The following PDS5A variants were observed in gnomAD, a reference collection of about 807,000 sequenced individuals.
The protein encoded by PDS5A is sister chromatid cohesion protein PDS5 homolog A.
In PDS5A, 42 loss-of-function variants were observed where a neutral mutation model predicts 167.1. The ratio of observed to expected loss-of-function variants is 0.25; its 90% CI spans 0.20 to 0.33. The LOEUF is 0.33. PDS5A is among the 10% of genes least tolerant of loss of function. PDS5A has a pLI of 1.00. For missense variants in PDS5A, 1,033 were observed against 1,605.9 expected (o/e 0.64, Z 6.10); for synonymous variants, 553 against 554.6 (o/e 1.00, Z 0.04).
chr4:39,957,948 G>A (rs1205632974), intron 2 of PDS5A, among the ~76,000 whole-genome samples: 1 of 152,064 alleles, frequency 6.6e-6, no homozygotes, highest in Non-Finnish European at 1.5e-5. Context: ...CTGAGGTCAG[G>A]AGTTCAAGAC....
chr4:39,967,005 A>C (rs1351852551), intron 2 of PDS5A, among the ~76,000 whole-genome samples: 2 of 150,026 alleles, frequency 1.3e-5, no homozygotes, highest in Non-Finnish European at 3.0e-5. Context: ...TCAAAAAATA[A>C]AGAAAAAAAA....
chr4:39,931,362 T>C (rs1466440595), intron 2 of PDS5A, among the ~76,000 whole-genome samples: 1 of 152,142 alleles, frequency 6.6e-6, no homozygotes, highest in Non-Finnish European at 1.5e-5. Flanking sequence ...CAAAACTCAG[T>C]GCCTTAAAAC....
At chr4:39,941,305 A>C (rs1296623178) in intron 2 of PDS5A, among the ~76,000 whole-genome samples, 5 of 152,222 alleles carry the variant, frequency 3.3e-5, no homozygotes, top group South Asian at 2.1e-4. Flanking sequence ...AAAACTTTAC[A>C]TGTATACCAA....
At chr4:39,973,228 G>T in intron 2 of PDS5A, 1 of 1,358,862 alleles carries the variant, frequency 7.4e-7, no homozygotes, top group Non-Finnish European at 1.1e-6. Flanking sequence ...CCTTAGAACA[G>T]AGTGACTCTG....
intron 32 of PDS5A, among the ~76,000 whole-genome samples, chr4:39,836,376 A>C (rs1270811487): frequency 6.6e-6 from 1 of 152,232 alleles, no homozygotes; most frequent in Non-Finnish European, 1.5e-5. Flanking sequence ...GATTGCCAAG[A>C]GGGCACTTAG....
intron 17 of PDS5A, among the ~76,000 whole-genome samples, chr4:39,889,849 T>C (rs1156805968): frequency 6.6e-6 from 1 of 152,238 alleles, no homozygotes; most frequent in East Asian, 1.9e-4. Flanking sequence ...CTTTCCAACA[T>C]ACCATTCTGT....
chr4:39,912,249 A>T (rs1723959517), intron 9 of PDS5A, among the ~76,000 whole-genome samples: 1 of 152,244 alleles, frequency 6.6e-6, no homozygotes. Context: ...CACTACAGTT[A>T]GCAGTGAGTG....
intron 17 of PDS5A, among the ~76,000 whole-genome samples, chr4:39,887,902 C>CA (rs869203754): frequency 7.2e-5 from 9 of 124,456 alleles, no homozygotes; most frequent in Non-Finnish European, 1.5e-4. Context: ...CAAAACAAAA[C>CA]AAAAAAACAC....
At chr4:39,863,130 G>T in intron 24 of PDS5A, 57 bp from the exon 25 acceptor site, 1 of 1,338,046 alleles carries the variant, frequency 7.5e-7, no homozygotes, top group Non-Finnish European at 1.1e-6. Flanking sequence ...AAAAACAGCA[G>T]TTTAAGTATT....
chr4:39,968,059 A>C (rs1290106898), intron 2 of PDS5A, among the ~76,000 whole-genome samples: 1 of 152,224 alleles, frequency 6.6e-6, no homozygotes, highest in Non-Finnish European at 1.5e-5. Flanking sequence ...ATACTACATA[A>C]CTAACTTAAT....
intron 5 of PDS5A, among the ~76,000 whole-genome samples, chr4:39,923,624 A>AG (rs1163057966): frequency 1.1e-5 from 1 of 94,490 alleles, no homozygotes; most frequent in East Asian, 3.1e-4. Context: ...GGACAGACCA[A>AG]GACCCTGTCT....
In PDS5A at chr4:39,845,850, C is replaced by A; in HGVS notation, c.3370G>T (p.Glu1124Ter). 7.2e-7 allele frequency: 1 copy of A among 1,386,028 alleles called. No homozygotes were observed. Among genetic ancestry groups the A allele is most frequent in the Non-Finnish European group, 9.4e-7 (1 of 1,060,888 alleles). 85.9% of individuals were successfully genotyped at this position (1,386,028 alleles called of 1,614,324 possible). ...GTTAACAGAAGTACTCTTGTCTCTT[C>A]TGAAATATAACTCTTATCGTTACAG... ...DFCNDKSYISEETRVLLLTGK... is the reference protein window; with the variant it reads ...DFCNDKSYIS The change falls in exon 29 of 33, where the codon GAA becomes TAA. Residue 1124 changes from glutamate (E) to a stop codon, truncating the protein, a stop_gained. Transcript: ENST00000303538. LOFTEE classifies it high-confidence loss of function.
intron 26 of PDS5A, among the ~76,000 whole-genome samples, chr4:39,850,660 C>T (rs1718049052): frequency 6.6e-6 from 1 of 152,204 alleles, no homozygotes; most frequent in Admixed American, 6.5e-5. Flanking sequence ...TATTATGAGG[C>T]TGATGTGTGT....
chr4:39,974,017 T>A, intron 2 of PDS5A: 1 of 459,048 alleles, frequency 2.2e-6, no homozygotes, highest in Non-Finnish European at 4.1e-6. Flanking sequence ...TCCCAGCTAC[T>A]CGGGAGGCTG....
chr4:39,840,330 C>T (rs550135523), intron 31 of PDS5A, among the ~76,000 whole-genome samples: 44 of 152,192 alleles, frequency 2.9e-4, no homozygotes, highest in African/African-American at 1.0e-3. Context: ...CAAAATTGGG[C>T]GGTATCGTTT....
chr4:39,896,479 T>A (rs1722424802), intron 16 of PDS5A, among the ~76,000 whole-genome samples: 2 of 151,916 alleles, frequency 1.3e-5, no homozygotes, highest in African/African-American at 4.8e-5. Flanking sequence ...TATTAAAAAT[T>A]TTTTTGGCTG....
At position 39,953,684 on chromosome 4, in the gene PDS5A, C is replaced by T. The variant is rs183919751; in HGVS notation, c.138+22756G>A. On this transcript the variant is annotated intron_variant, in intron 2 of 32. Transcript: ENST00000303538. ...AGTCAAGCCTGCAGTGAGCCATGAT[C>T]GTACCACTGCACTCCAGCCTAGGCC... Among the ~76,000 whole-genome samples the T allele has an allele frequency of 1.2e-4, 19 of 152,136 alleles. No homozygotes were observed. The East Asian group carries it at 1.9e-3, about 15-fold the overall frequency.
At position 39,863,093 on chromosome 4, in the gene PDS5A, C is replaced by A. The variant is rs1329757544; in HGVS notation, c.2767-20G>T. On this transcript the variant is annotated intron_variant, in intron 24 of 32. Coordinates refer to ENST00000303538, the MANE Select transcript of PDS5A (RefSeq NM_001100399.2). The stretch of plus-strand genomic sequence containing the variant: ...CTCATCCTACAGCAGCACAGAAAAA[C>A]TTAAATTGGCAACCATTTATTAAAT... 6.4e-7 allele frequency: 1 copy of A among 1,567,134 alleles called. No individual in the cohort carries two copies. Among genetic ancestry groups the A allele is most frequent in the African/African-American group, 1.4e-5 (1 of 73,898 alleles).
chr4:39,888,667 TAAATA>T (rs1371827116), intron 17 of PDS5A, among the ~76,000 whole-genome samples: 2 of 143,450 alleles, frequency 1.4e-5, no homozygotes, highest in African/African-American at 5.2e-5. Flanking sequence ...CTCATTATGT[TAAATA>T]AAACAAGCCA....
Sources: allele counts gnomAD v4.1 joint callset (sites outside exome capture counted in the v4.1 genomes callset), GRCh38; gene constraint gnomAD v4.1.1; transcripts MANE v1.5; gene names NCBI Gene and HGNC (gene_info 2026-07-23, HGNC 2026-07-21).